MUC7: variants seen among roughly 807,000 people sequenced by gnomAD.
MUC7 encodes the protein mucin 7, secreted.
MUC7 carries 2 observed loss-of-function variants against 2.5 expected under a neutral mutation model. That is an observed-to-expected ratio of 0.81 (90% CI 0.33 to 2.55). The LOEUF is 2.55. Among genes scored for constraint, MUC7 ranks in the 30% most tolerant of loss-of-function variants. MUC7 has a pLI of 0.11. For missense variants in MUC7, 408 were observed against 455.6 expected (o/e 0.90, Z 0.95); for synonymous variants, 133 against 173.4 (o/e 0.77, Z 1.83).
intron 1 of MUC7, among the ~76,000 whole-genome samples, chr4:70,436,485 T>A (rs182986760): frequency 3.9e-4 from 59 of 152,304 alleles, no homozygotes; most frequent in Non-Finnish European, 4.6e-4. Flanking sequence ...CTTCGCTTGA[T>A]AAAATCGGCT....
Position 70,480,945 on chromosome 4 carries a change from C to A in MUC7, c.201C>A (p.His67Gln), listed in dbSNP as rs536423413. 1 of 1,614,122 alleles carries A rather than the reference C, an allele frequency of 6.2e-7. No homozygotes were observed. The highest frequency in any genetic ancestry group is 2.2e-5 in the East Asian group (1 of 44,872). ...PFIRKSYKCL[H>Q]KRCRPKLPPS... ...TTAGAAAGTCCTATAAATGTCTGCA[C>A]AAACGCTGTAGGCCTAAGCTTCCAC... The change falls in exon 3 of 3, where the codon CAC (histidine) becomes CAA (glutamine). Residue 67 changes from histidine (H) to glutamine (Q), a missense_variant. His to Gln is a conservative substitution (Grantham distance 24). Around this residue, in one of 3 missense-constraint regions of MUC7, gnomAD observed 225 missense variants for 240.5 expected, o/e 0.94. Transcript: ENST00000304887.
chr4:70,468,283 A>G (rs896145093), upstream of MUC7, among the ~76,000 whole-genome samples: 1 of 152,168 alleles, frequency 6.6e-6, no homozygotes, highest in African/African-American at 2.4e-5. Context: ...ACTTATGACA[A>G]ACCCACAGCC....
intron 1 of MUC7, among the ~76,000 whole-genome samples, chr4:70,461,201 G>A (rs1427226442): frequency 6.6e-6 from 1 of 152,190 alleles, no homozygotes; most frequent in African/African-American, 2.4e-5. Context: ...TCTATTTGAG[G>A]TGTGATAATC....
intron 2 of MUC7, among the ~76,000 whole-genome samples, chr4:70,477,240 A>G (rs769999984): frequency 2.6e-5 from 4 of 152,016 alleles, no homozygotes; most frequent in Non-Finnish European, 4.4e-5. Context: ...TGAAACCCCC[A>G]TCTCTACTAA....
chr4:70,480,954 T>A lies in MUC7; in HGVS notation c.210T>A (p.Cys70Ter), dbSNP rs1234779589. 2 of 1,613,976 alleles carry A rather than the reference T, an allele frequency of 1.2e-6. No homozygotes were observed. The highest frequency in any genetic ancestry group is 2.2e-5 in the East Asian group (1 of 44,880). Residue 70 changes from cysteine (C) to a stop codon, truncating the protein, a stop_gained, in exon 3 of 3, where the codon TGT becomes TGA. Transcript: ENST00000304887. LOFTEE classifies it low-confidence loss of function (END_TRUNC). Reference sequence around the variant, plus strand: ...CCTATAAATGTCTGCACAAACGCTGTAGGCCTAAGCTTCCACCTTCACCTA... The same window carrying A: ...CCTATAAATGTCTGCACAAACGCTGAAGGCCTAAGCTTCCACCTTCACCTA... ...RKSYKCLHKR[C>*]RPKLPPSPNN...
intron 1 of MUC7, among the ~76,000 whole-genome samples, chr4:70,450,522 C>T (rs929842436): frequency 2.0e-5 from 3 of 152,116 alleles, no homozygotes; most frequent in Non-Finnish European, 4.4e-5. Flanking sequence ...GGAGTTTTTG[C>T]CTGATAGCCA....
At chr4:70,453,686 G>A (rs1734347250) in intron 1 of MUC7, among the ~76,000 whole-genome samples, 1 of 152,146 alleles carries the variant, frequency 6.6e-6, no homozygotes, top group African/African-American at 2.4e-5. Context: ...CTTTTCTCAA[G>A]TAGAAGGAGT....
chr4:70,479,274 T>C (rs1318391887), intron 2 of MUC7, among the ~76,000 whole-genome samples: 1 of 152,222 alleles, frequency 6.6e-6, no homozygotes, highest in Non-Finnish European at 1.5e-5. Flanking sequence ...GTTCATTCCC[T>C]CAATCACATG....
intron 1 of MUC7, among the ~76,000 whole-genome samples, chr4:70,461,088 C>T (rs1036663454): frequency 1.3e-5 from 2 of 152,252 alleles, no homozygotes; most frequent in Non-Finnish European, 1.5e-5. Flanking sequence ...CTTGGGGCTC[C>T]GAGCTTATCT....
intron 1 of MUC7, among the ~76,000 whole-genome samples, chr4:70,461,492 A>G (rs1394920462): frequency 2.0e-5 from 3 of 152,158 alleles, no homozygotes; most frequent in African/African-American, 7.2e-5. Context: ...CTGCCTCCCT[A>G]TTCTTGCTAT....
chr4:70,441,999 G>A (rs1340421856), intron 1 of MUC7, among the ~76,000 whole-genome samples: 1 of 152,170 alleles, frequency 6.6e-6, no homozygotes, highest in Non-Finnish European at 1.5e-5. Flanking sequence ...ATGTGGAACA[G>A]CGAAAGGACC....
intron 1 of MUC7, among the ~76,000 whole-genome samples, chr4:70,446,314 C>T (rs1296856488): frequency 6.6e-6 from 1 of 152,086 alleles, no homozygotes; most frequent in Non-Finnish European, 1.5e-5. Context: ...TTCTGGGTGG[C>T]TTAAAACAAG....
chr4:70,464,260 G>A (rs941139672), intron 1 of MUC7, among the ~76,000 whole-genome samples: 1 of 152,292 alleles, frequency 6.6e-6, no homozygotes, highest in Admixed American at 6.5e-5. Flanking sequence ...CAGCAGACAA[G>A]AAGATTCCCT....
intron 1 of MUC7, among the ~76,000 whole-genome samples, chr4:70,462,457 T>C (rs1407418949): frequency 6.6e-6 from 1 of 152,220 alleles, no homozygotes; most frequent in Non-Finnish European, 1.5e-5. Flanking sequence ...CAAATCACTA[T>C]ATTTTCTTCT....
upstream of MUC7, among the ~76,000 whole-genome samples, chr4:70,469,906 G>A (rs541861354): frequency 8.7e-4 from 132 of 152,184 alleles, 2 homozygotes; most frequent in Admixed American, 7.3e-3. Context: ...TGCCATTACC[G>A]GGTATATACC....
intron 1 of MUC7, among the ~76,000 whole-genome samples, chr4:70,435,760 AT>A (rs1577896549): frequency 6.6e-6 from 1 of 152,180 alleles, no homozygotes; most frequent in Non-Finnish European, 1.5e-5. Flanking sequence ...CTAGCTGGTT[AT>A]TTCACACATT....
chr4:70,459,048 T>C (rs1192407824), intron 1 of MUC7, among the ~76,000 whole-genome samples: 4 of 152,138 alleles, frequency 2.6e-5, no homozygotes, highest in African/African-American at 7.2e-5. Flanking sequence ...GTATTATAAA[T>C]ACAAGAAGAA....
chr4:70,475,297 GA>G (rs1257038867), intron 2 of MUC7, among the ~76,000 whole-genome samples: 1 of 151,954 alleles, frequency 6.6e-6, no homozygotes, highest in Non-Finnish European at 1.5e-5. Flanking sequence ...AAAAAAGAAA[GA>G]AATGAACAAA....
At chr4:70,444,304 C>A (rs1189732714) in intron 1 of MUC7, among the ~76,000 whole-genome samples, 1 of 152,210 alleles carries the variant, frequency 6.6e-6, no homozygotes, top group Non-Finnish European at 1.5e-5. Flanking sequence ...CTTCTATATC[C>A]ATCCCCATCC....
Sources: gnomAD v4.1 joint callset for allele counts (sites outside exome capture counted in the v4.1 genomes callset) on GRCh38, gnomAD v4.1.1 for gene constraint, gnomAD v4.1.1 regional missense constraint, MANE v1.5 for transcripts, NCBI Gene and HGNC (gene_info 2026-07-23, HGNC 2026-07-21) for gene names.